PCBP3: variants seen among roughly 807,000 people sequenced by gnomAD.
The protein encoded by PCBP3 is poly(rC) binding protein 3.
In PCBP3, 25 loss-of-function variants were observed where a neutral mutation model predicts 52.7. That is an observed-to-expected ratio of 0.47 (90% CI 0.35 to 0.66). The LOEUF (loss-of-function observed/expected upper bound fraction) is 0.66. PCBP3 is among the 30% of genes least tolerant of loss of function. The pLI is 0.01. For synonymous variants in PCBP3, 162 were observed against 183.0 expected, an observed-to-expected ratio of 0.89 and a Z score of 0.93; for missense variants, 391 against 490.3, an observed-to-expected ratio of 0.80 and a Z score of 1.91.
intron 2 of PCBP3, among the ~76,000 whole-genome samples, chr21:45,706,836 A>G (rs1364964371): frequency 6.6e-6 from 1 of 152,226 alleles, no homozygotes; most frequent in African/African-American, 2.4e-5. Context: ...TTCAGTTCCC[A>G]GTGGGACTGA....
chr21:45,662,598 A>C (rs2080478236), intron 1 of PCBP3, among the ~76,000 whole-genome samples: 1 of 152,130 alleles, frequency 6.6e-6, no homozygotes, highest in East Asian at 1.9e-4. Context: ...GATCATAGAT[A>C]TGATTATATG....
chr21:45,882,658 A>T (rs926414606), intron 5 of PCBP3, among the ~76,000 whole-genome samples: 1 of 152,158 alleles, frequency 6.6e-6, no homozygotes, highest in Non-Finnish European at 1.5e-5. Flanking sequence ...GCAGTTGCAG[A>T]TCTTACATTT....
intron 5 of PCBP3, among the ~76,000 whole-genome samples, chr21:45,891,990 C>G (rs1398816182): frequency 6.6e-6 from 1 of 152,206 alleles, no homozygotes; most frequent in Non-Finnish European, 1.5e-5. Flanking sequence ...CTAAAATCAC[C>G]ACAGGGTCAG....
At chr21:45,695,236 GA>G (rs2082699188) in intron 2 of PCBP3, among the ~76,000 whole-genome samples, 1 of 152,210 alleles carries the variant, frequency 6.6e-6, no homozygotes, top group Admixed American at 6.5e-5. Flanking sequence ...TGGACCCTAA[GA>G]AAATTCCTCC....
chr21:45,784,890 G>A (rs1375767320), intron 4 of PCBP3, among the ~76,000 whole-genome samples: 5 of 152,056 alleles, frequency 3.3e-5, no homozygotes, highest in South Asian at 4.1e-4. Context: ...CACCCCGTCT[G>A]GGAAGTGATG....
intron 4 of PCBP3, among the ~76,000 whole-genome samples, chr21:45,819,759 G>T (rs1307555618): frequency 6.6e-6 from 1 of 152,250 alleles, no homozygotes; most frequent in Non-Finnish European, 1.5e-5. Flanking sequence ...TCTGGCAGCT[G>T]CTGGGCGCCT....
chr21:45,746,711 G>GC (rs1158019749), intron 3 of PCBP3, among the ~76,000 whole-genome samples: 1 of 59,062 alleles, frequency 1.7e-5, no homozygotes, highest in Non-Finnish European at 3.5e-5. Context: ...CTGACGTAGC[G>GC]CACACGGTGT....
At chr21:45,784,674 G>A (rs1369180832) in intron 4 of PCBP3, among the ~76,000 whole-genome samples, 13 of 152,246 alleles carry the variant, frequency 8.5e-5, no homozygotes, top group Admixed American at 2.0e-4. Flanking sequence ...TGTTGGCCAG[G>A]CTGGTCTCCA....
chr21:45,785,980 G>A (rs2091120941), intron 4 of PCBP3, among the ~76,000 whole-genome samples: 1 of 150,178 alleles, frequency 6.7e-6, no homozygotes, highest in South Asian at 2.1e-4. Context: ...CAAGTACCCA[G>A]GGACACAAAC....
intron 17 of PCBP3, among the ~76,000 whole-genome samples, chr21:45,940,570 G>T (rs1431740801): frequency 6.6e-6 from 1 of 152,182 alleles, no homozygotes; most frequent in African/African-American, 2.4e-5. Context: ...TTGCTGTTTT[G>T]CCTCCTTTTT....
At chr21:45,900,937 C>A in intron 8 of PCBP3, 60 bp from the exon 9 acceptor site, 2 of 1,245,012 alleles carry the variant, frequency 1.6e-6, no homozygotes, top group Non-Finnish European at 2.4e-6. Context: ...CTTGCGGCCC[C>A]CGACCCACTG....
At chr21:45,718,592 G>C (rs1471532266) in intron 2 of PCBP3, among the ~76,000 whole-genome samples, 6 of 151,990 alleles carry the variant, frequency 3.9e-5, no homozygotes, top group African/African-American at 1.5e-4. Flanking sequence ...ATGGAAGTAG[G>C]GTAAGTTAAA....
intron 3 of PCBP3, among the ~76,000 whole-genome samples, chr21:45,743,648 G>A (rs1180778491): frequency 4.6e-5 from 7 of 152,148 alleles, no homozygotes; most frequent in African/African-American, 1.7e-4. Flanking sequence ...CTAGAGTTAA[G>A]GCTAGCATAA....
chr21:45,681,982 G>A (rs1323835343), intron 2 of PCBP3, among the ~76,000 whole-genome samples: 4 of 151,974 alleles, frequency 2.6e-5, no homozygotes, highest in African/African-American at 4.8e-5. Context: ...AATCTGGGGG[G>A]CTATGAAAAA....
At chr21:45,900,778 C>T (rs1481842357) in intron 8 of PCBP3, among the ~76,000 whole-genome samples, 155 bp downstream of exon 8, 1 of 152,182 alleles carries the variant, frequency 6.6e-6, no homozygotes, top group Non-Finnish European at 1.5e-5. Flanking sequence ...ACTCAGGCCT[C>T]CTGTGCTCCC....
chr21:45,906,536 G>A (rs1301760100), intron 9 of PCBP3, among the ~76,000 whole-genome samples: 1 of 152,134 alleles, frequency 6.6e-6, no homozygotes, highest in Non-Finnish European at 1.5e-5. Context: ...AGAATTTCGG[G>A]TCATGTTTTG....
rs1190008206 is a variant in PCBP3 at position 45,896,213 on chromosome 21, G to A, written c.16G>A (p.Ala6Thr). 1.7e-5 allele frequency: 27 copies of A among 1,551,530 alleles called. No homozygotes were observed. The highest frequency in any genetic ancestry group is 1.8e-4 in the Middle Eastern group (1 of 5,550). Residue 6 changes from alanine to threonine, a missense_variant, in exon 6 of 18, where the codon GCC becomes ACC. Physicochemically the swap from Ala to Thr is moderately conservative, Grantham distance 58. Coordinates refer to ENST00000681687, the MANE Select transcript of PCBP3 (RefSeq NM_001384156.1). MGEGD[A>T]FWAPSVLPHS... ...GCTGTGCCTTCTCTCTCCAGGTGAC[G>A]CCTTCTGGGCCCCATCTGTCCTTCC... is the stretch of plus-strand genomic sequence containing the variant.
At chr21:45,681,462 A>G (rs902784002) in intron 2 of PCBP3, among the ~76,000 whole-genome samples, 1 of 152,204 alleles carries the variant, frequency 6.6e-6, no homozygotes, top group Non-Finnish European at 1.5e-5. Context: ...GGATGGGGTT[A>G]CATCCTGATA....
chr21:45,711,676 C>T (rs990097946), intron 2 of PCBP3, among the ~76,000 whole-genome samples: 2 of 152,218 alleles, frequency 1.3e-5, no homozygotes, highest in Non-Finnish European at 2.9e-5. Flanking sequence ...AGGTCAGCAC[C>T]TTATTCTCCA....
Sources: gnomAD v4.1 joint callset for allele counts (sites outside exome capture counted in the v4.1 genomes callset) on GRCh38, gnomAD v4.1.1 for gene constraint, MANE v1.5 for transcripts, NCBI Gene and HGNC (gene_info 2026-07-23, HGNC 2026-07-21) for gene names.